KCNJ3: variants seen among roughly 807,000 people sequenced by gnomAD.
The protein encoded by KCNJ3 is G protein-activated inward rectifier potassium channel 1.
Under a neutral mutation model 39.2 loss-of-function variants are expected in KCNJ3, and 4 were observed. The observed-to-expected ratio is 0.10, with a 90% CI of 0.05 to 0.23. The LOEUF is 0.23. Ranked by LOEUF, KCNJ3 falls within the 10% of genes least tolerant of loss-of-function variation. KCNJ3 has a pLI of 1.00. For synonymous variants in KCNJ3, 230 were observed against 237.4 expected (o/e 0.97, Z 0.29); for missense variants, 276 against 634.9 (o/e 0.43, Z 6.08).
intron 2 of KCNJ3, among the ~76,000 whole-genome samples, chr2:154,838,075 AGTGT>A (rs1177624926): frequency 6.6e-6 from 1 of 152,152 alleles, no homozygotes; most frequent in African/African-American, 2.4e-5. Flanking sequence ...GTGCAGGATG[AGTGT>A]GTGTATGTGA....
At chr2:154,754,874 G>T (rs1685910535) in intron 2 of KCNJ3, among the ~76,000 whole-genome samples, 1 of 152,080 alleles carries the variant, frequency 6.6e-6, no homozygotes, top group South Asian at 2.1e-4. Context: ...TGTGGTTGGA[G>T]TTTTAAAGTA....
chr2:154,712,741 G>A (rs2105153870), intron 2 of KCNJ3, among the ~76,000 whole-genome samples: 1 of 152,202 alleles, frequency 6.6e-6, no homozygotes, highest in South Asian at 2.1e-4. Flanking sequence ...CGAAGTGGAA[G>A]GATTGCTTGA....
intron 2 of KCNJ3, among the ~76,000 whole-genome samples, chr2:154,822,235 T>G (rs1315871750): frequency 1.3e-5 from 2 of 152,198 alleles, no homozygotes; most frequent in African/African-American, 2.4e-5. Flanking sequence ...ATAAGTCAAA[T>G]GTACATGATC....
At chr2:154,724,253 G>T (rs1685312482) in intron 2 of KCNJ3, among the ~76,000 whole-genome samples, 1 of 152,020 alleles carries the variant, frequency 6.6e-6, no homozygotes. Flanking sequence ...GTGTTGTTGT[G>T]GGTGTGTGTC....
chr2:154,786,274 T>C (rs1204078386), intron 2 of KCNJ3, among the ~76,000 whole-genome samples: 2 of 152,200 alleles, frequency 1.3e-5, no homozygotes, highest in Non-Finnish European at 2.9e-5. Flanking sequence ...GAAAATTTTA[T>C]TCCATTACTT....
At chr2:154,842,616 G>C (rs1687593456) in intron 2 of KCNJ3, among the ~76,000 whole-genome samples, 1 of 152,170 alleles carries the variant, frequency 6.6e-6, no homozygotes, top group Admixed American at 6.5e-5. Flanking sequence ...TTATGAATCT[G>C]AGTGCTCCTG....
chr2:154,814,467 G>A (rs912782134), intron 2 of KCNJ3, among the ~76,000 whole-genome samples: 7 of 151,860 alleles, frequency 4.6e-5, no homozygotes, highest in Non-Finnish European at 1.0e-4. Flanking sequence ...GTGAAACCTC[G>A]TCTGTACTAA....
intron 2 of KCNJ3, among the ~76,000 whole-genome samples, chr2:154,849,980 A>ATAT (rs1687727774): frequency 7.1e-6 from 1 of 140,966 alleles, no homozygotes; most frequent in African/African-American, 2.7e-5. Flanking sequence ...AAATCTGTGA[A>ATAT]TATTGCAATG....
chr2:154,801,439 A>AT (rs1027607384), intron 2 of KCNJ3, among the ~76,000 whole-genome samples: 1 of 151,250 alleles, frequency 6.6e-6, no homozygotes, highest in Non-Finnish European at 1.5e-5. Flanking sequence ...TACCTACCTC[A>AT]TTTTTTCCAA....
intron 2 of KCNJ3, among the ~76,000 whole-genome samples, chr2:154,764,823 G>A (rs971418982): frequency 6.6e-6 from 1 of 152,180 alleles, no homozygotes; most frequent in Non-Finnish European, 1.5e-5. Flanking sequence ...GGTTGGACAA[G>A]CTTGTTATCC....
At chr2:154,794,558 G>A (rs1243068174) in intron 2 of KCNJ3, among the ~76,000 whole-genome samples, 1 of 151,920 alleles carries the variant, frequency 6.6e-6, no homozygotes, top group Admixed American at 6.6e-5. Flanking sequence ...AAGAGATCCA[G>A]GAATAAATAT....
chr2:154,756,542 C>T (rs1197452774), intron 2 of KCNJ3, among the ~76,000 whole-genome samples: 3 of 151,674 alleles, frequency 2.0e-5, no homozygotes, highest in African/African-American at 4.8e-5. Flanking sequence ...CCTGACAGGC[C>T]CTGATGTGTG....
intron 2 of KCNJ3, among the ~76,000 whole-genome samples, chr2:154,764,071 T>C (rs1686089642): frequency 6.6e-6 from 1 of 152,192 alleles, no homozygotes; most frequent in African/African-American, 2.4e-5. Flanking sequence ...ACTGAGACAG[T>C]CTCTCTGTTC....
At chr2:154,725,155 A>G (rs1283111127) in intron 2 of KCNJ3, among the ~76,000 whole-genome samples, 1 of 151,468 alleles carries the variant, frequency 6.6e-6, no homozygotes, top group East Asian at 1.9e-4. Flanking sequence ...TTTGAAAATA[A>G]TATCTTTCAC....
intron 2 of KCNJ3, among the ~76,000 whole-genome samples, chr2:154,803,472 T>C (rs1276525206): frequency 6.6e-6 from 1 of 151,680 alleles, no homozygotes; most frequent in Non-Finnish European, 1.5e-5. Flanking sequence ...TTCAATATAT[T>C]ATATTAATTT....
At chr2:154,790,159 AT>A (rs1257091101) in intron 2 of KCNJ3, among the ~76,000 whole-genome samples, 23 of 145,596 alleles carry the variant, frequency 1.6e-4, no homozygotes, top group Non-Finnish European at 3.0e-4. Context: ...ATGTCCAAAA[AT>A]AGCACAGTGT....
chr2:154,819,652 T>A (rs1295010749), intron 2 of KCNJ3, among the ~76,000 whole-genome samples: 4 of 151,930 alleles, frequency 2.6e-5, no homozygotes, highest in Non-Finnish European at 5.9e-5. Context: ...TGCCTCAGCC[T>A]CCTGAGTAGC....
At chr2:154,837,891 A>G (rs1419633724) in intron 2 of KCNJ3, among the ~76,000 whole-genome samples, 1 of 152,244 alleles carries the variant, frequency 6.6e-6, no homozygotes, top group Non-Finnish European at 1.5e-5. Flanking sequence ...AATAGGTTTA[A>G]AAATGGAATT....
At chr2:154,755,221 T>C (rs1452545445) in intron 2 of KCNJ3, among the ~76,000 whole-genome samples, 1 of 152,134 alleles carries the variant, frequency 6.6e-6, no homozygotes, top group Non-Finnish European at 1.5e-5. Flanking sequence ...GTCTGGCATA[T>C]TTGCCATTAA....
Sources: gnomAD v4.1 joint callset for allele counts (sites outside exome capture counted in the v4.1 genomes callset) on GRCh38, gnomAD v4.1.1 for gene constraint, MANE v1.5 for transcripts, NCBI Gene and HGNC (gene_info 2026-07-23, HGNC 2026-07-21) for gene names.